KCNB2: variants seen among roughly 807,000 people sequenced by gnomAD.
The protein encoded by KCNB2 is delayed rectifier potassium channel protein.
In KCNB2, 15 loss-of-function variants were observed where a neutral mutation model predicts 61.5. That is an observed-to-expected ratio of 0.24 (90% CI 0.16 to 0.38). The LOEUF (loss-of-function observed/expected upper bound fraction) is 0.38. Ranked by LOEUF, KCNB2 falls within the 10% of genes least tolerant of loss-of-function variation. The pLI, the probability that KCNB2 is intolerant of heterozygous loss-of-function variation, is 1.00. For synonymous variants in KCNB2, 457 were observed against 446.0 expected (o/e 1.02, Z -0.31); for missense variants, 828 against 1,125.2 (o/e 0.74, Z 3.78).
Position 72,936,755 on chromosome 8 carries a change from T to C in KCNB2, c.1400T>C (p.Val467Ala), listed in dbSNP as rs1806910419. 6.2e-7 allele frequency: 1 copy of C among 1,614,196 alleles called. No individual in the cohort carries two copies. Among genetic ancestry groups the C allele is most frequent in the East Asian group, 2.2e-5 (1 of 44,880 alleles). ...AFARSMELID[V>A]AVEKAGESAN... ...GCTCGAAGTATGGAACTGATAGATG[T>C]GGCTGTTGAGAAGGCCGGAGAGTCC... The change falls in exon 3 of 3, where the codon GTG becomes GCG. Residue 467 changes from valine (V) to alanine (A), a missense_variant. Val to Ala is a moderately conservative substitution (Grantham distance 64). Around this residue, in one of 4 missense-constraint regions of KCNB2, gnomAD observed 559 missense variants for 588.4 expected, o/e 0.95. Coordinates refer to ENST00000523207, the MANE Select transcript of KCNB2 (RefSeq NM_004770.3). The surrounding 1 kb of genome is among the most constrained non-coding windows in gnomAD (Gnocchi z 5.6).
intron 2 of KCNB2, among the ~76,000 whole-genome samples, chr8:72,753,653 A>G (rs1808239786): frequency 6.6e-6 from 1 of 152,332 alleles, no homozygotes; most frequent in East Asian, 1.9e-4. Flanking sequence ...AGCAGGCTCC[A>G]TGAGCTTGAT....
chr8:72,897,979 G>A (rs1806020271), intron 2 of KCNB2, among the ~76,000 whole-genome samples: 1 of 152,122 alleles, frequency 6.6e-6, no homozygotes, highest in Non-Finnish European at 1.5e-5. Flanking sequence ...GAGCTTCAAA[G>A]GCACACCTCT....
chr8:72,807,555 T>G (rs1809245206), intron 2 of KCNB2, among the ~76,000 whole-genome samples: 2 of 152,200 alleles, frequency 1.3e-5, no homozygotes, highest in Non-Finnish European at 2.9e-5. Flanking sequence ...CAGACTAACC[T>G]TGCTTGGAAC....
chr8:72,803,680 T>C (rs1809165844), intron 2 of KCNB2, among the ~76,000 whole-genome samples: 1 of 152,158 alleles, frequency 6.6e-6, no homozygotes, highest in Admixed American at 6.5e-5. Flanking sequence ...CATAAGAATT[T>C]AGTATCCCAA....
chr8:72,798,117 C>T (rs964134519), intron 2 of KCNB2, among the ~76,000 whole-genome samples: 16 of 152,078 alleles, frequency 1.1e-4, no homozygotes, highest in African/African-American at 3.1e-4. Context: ...CTGCATTTGC[C>T]GTTGATGCTA....
In KCNB2 at chr8:72,734,031, G is replaced by A. The variant is rs111411871; in HGVS notation, c.579+165718G>A. On this transcript the variant is annotated intron_variant, in intron 2 of 2. Transcript: ENST00000523207. ...CCTCAATCGTCTCCCAGGCTGCTGA[G>A]CTGATTTGGAAGATTGCTTACGGAG... Among the ~76,000 whole-genome samples, 1,473 of 152,226 alleles carry A rather than the reference G, an allele frequency of 9.7e-3. 18 individuals are homozygous for A. Among genetic ancestry groups the A allele is most frequent in the Middle Eastern group, 0.044 (13 of 294 alleles).
At position 72,546,373 on chromosome 8, in the gene KCNB2, C is replaced by T. The variant is rs1806258082; in HGVS notation, c.-94+8488C>T. 2.0e-5 allele frequency among the ~76,000 whole-genome samples: 3 copies of T among 152,016 alleles called. No homozygotes were observed. The South Asian group carries it at 6.2e-4, about 32-fold the overall frequency. ...TACTAAAAAAATACAAAAAAATTAG[C>T]CAGGCATGGTGGCAGGTGCCTGTAA... On this transcript the variant is annotated intron_variant, in intron 1 of 2. Coordinates refer to ENST00000523207, the MANE Select transcript of KCNB2 (RefSeq NM_004770.3).
At chr8:72,884,978 C>T (rs1041409060) in intron 2 of KCNB2, among the ~76,000 whole-genome samples, 1 of 152,104 alleles carries the variant, frequency 6.6e-6, no homozygotes, top group Non-Finnish European at 1.5e-5. Context: ...GATTAATATG[C>T]AATTTTATTT....
intron 2 of KCNB2, among the ~76,000 whole-genome samples, chr8:72,721,896 C>A (rs1215828375): frequency 2.0e-5 from 3 of 152,232 alleles, no homozygotes; most frequent in Non-Finnish European, 4.4e-5. Flanking sequence ...CAGCCGCCAA[C>A]TGGACACTTT....
At chr8:72,700,440 G>T (rs1260199461) in intron 2 of KCNB2, among the ~76,000 whole-genome samples, 2 of 151,936 alleles carry the variant, frequency 1.3e-5, no homozygotes, top group Admixed American at 6.6e-5. Context: ...CAGACAAGTG[G>T]CCAATAAACA....
intron 2 of KCNB2, among the ~76,000 whole-genome samples, chr8:72,909,996 C>G (rs3891709): frequency 7.2e-5 from 11 of 151,914 alleles, no homozygotes; most frequent in African/African-American, 2.7e-4. Flanking sequence ...AGAGAGATCC[C>G]AATCATCTGT....
chr8:72,664,177 G>T (rs1043983319), intron 2 of KCNB2, among the ~76,000 whole-genome samples: 1 of 152,188 alleles, frequency 6.6e-6, no homozygotes, highest in Non-Finnish European at 1.5e-5. Flanking sequence ...TCTTTGTCCA[G>T]CGGATACCCT....
At chr8:72,925,510 T>C (rs1181947304) in intron 2 of KCNB2, among the ~76,000 whole-genome samples, 1 of 152,176 alleles carries the variant, frequency 6.6e-6, no homozygotes, top group East Asian at 1.9e-4. Flanking sequence ...GAACTGTTGT[T>C]TAAAAGAGAA....
chr8:72,901,850 G>C (rs1806098105), intron 2 of KCNB2, among the ~76,000 whole-genome samples: 1 of 152,172 alleles, frequency 6.6e-6, no homozygotes, highest in South Asian at 2.1e-4. Flanking sequence ...TTATATTGGA[G>C]AAGCAGGGTA....
intron 2 of KCNB2, among the ~76,000 whole-genome samples, chr8:72,785,304 A>C (rs976273369): frequency 3.3e-5 from 5 of 152,316 alleles, no homozygotes; most frequent in African/African-American, 9.6e-5. Flanking sequence ...AGAGAAAGGC[A>C]GGGAAAAAAG....
chr8:72,776,241 G>A (rs1177665819), intron 2 of KCNB2, among the ~76,000 whole-genome samples: 1 of 145,482 alleles, frequency 6.9e-6, no homozygotes, highest in African/African-American at 2.6e-5. Context: ...TCACACACCA[G>A]GGCCTGTCGT....
chr8:72,557,505 A>T (rs2128977844), intron 1 of KCNB2, among the ~76,000 whole-genome samples: 1 of 152,308 alleles, frequency 6.6e-6, no homozygotes, highest in South Asian at 2.1e-4. Context: ...CTTTCCTAGG[A>T]GTGAGTGAGT....
In KCNB2 at chr8:72,747,486, T is replaced by G. The variant is rs552285958; in HGVS notation, c.579+179173T>G. On this transcript the variant is annotated intron_variant, in intron 2 of 2. Coordinates refer to ENST00000523207, the MANE Select transcript of KCNB2 (RefSeq NM_004770.3). ...TGTGACAGAGGCATTCCCTCCAGGG[T>G]CAGTCCTTCCAGGTCAGCAAGGTCT... Among the ~76,000 whole-genome samples, 13 of 152,208 alleles carry G rather than the reference T, an allele frequency of 8.5e-5. No individual in the cohort carries two copies. The East Asian group carries it at 2.5e-3, about 29-fold the overall frequency.
chr8:72,703,800 A>G (rs1452288722), intron 2 of KCNB2, among the ~76,000 whole-genome samples: 2 of 152,230 alleles, frequency 1.3e-5, no homozygotes, highest in South Asian at 2.1e-4. Context: ...GAAGTCATTG[A>G]ATGCCATAAA....
Sources: gnomAD v4.1 joint callset for allele counts (sites outside exome capture counted in the v4.1 genomes callset) on GRCh38, gnomAD v4.1.1 for gene constraint, gnomAD v4.1.1 regional missense constraint, Gnocchi (gnomAD v3.1) non-coding constraint, MANE v1.5 for transcripts, NCBI Gene and HGNC (gene_info 2026-07-23, HGNC 2026-07-21) for gene names.